PRKCA: variants seen among roughly 807,000 people sequenced by gnomAD.
PRKCA encodes the protein protein kinase C alpha.
PRKCA carries 27 observed loss-of-function variants against 87.0 expected under a neutral mutation model. The observed-to-expected ratio is 0.31, with a 90% CI of 0.23 to 0.43. The LOEUF (loss-of-function observed/expected upper bound fraction) is 0.43. PRKCA is among the 20% of genes least tolerant of loss of function. The pLI is 1.00. For synonymous variants in PRKCA, 329 were observed against 311.1 expected, an observed-to-expected ratio of 1.06 and a Z score of -0.61; for missense variants, 518 against 852.3, an observed-to-expected ratio of 0.61 and a Z score of 4.88.
chr17:66,361,296 CA>C lies in PRKCA; in HGVS notation c.205+55173del, dbSNP rs1420737801. Among the ~76,000 whole-genome samples, 3 of 149,794 alleles carry C rather than the reference CA, an allele frequency of 2.0e-5. No individual in the cohort carries two copies. The East Asian group carries it at 5.9e-4, about 29-fold the overall frequency. On this transcript the variant is annotated intron_variant, in intron 2 of 16. Transcript: ENST00000413366. Reference sequence around the variant, plus strand: ...TGATCTCTCTCCTTTGTAAGTCTTTCAAAAGACGCATACATTAGATTTTTTT... The same window carrying C: ...TGATCTCTCTCCTTTGTAAGTCTTTCAAAGACGCATACATTAGATTTTTTT...
chr17:66,319,385 T>C (rs1312846362), intron 2 of PRKCA, among the ~76,000 whole-genome samples: 2 of 152,248 alleles, frequency 1.3e-5, no homozygotes, highest in Non-Finnish European at 2.9e-5. Context: ...TGTTTTTGGC[T>C]GACTTACCCG....
chr17:66,545,887 T>C (rs1197387817), intron 3 of PRKCA, among the ~76,000 whole-genome samples: 1 of 152,246 alleles, frequency 6.6e-6, no homozygotes, highest in Admixed American at 6.5e-5. Flanking sequence ...AAAAGTAAAT[T>C]AGATTTTGTA....
At chr17:66,596,516 T>A (rs1969981618) in intron 3 of PRKCA, among the ~76,000 whole-genome samples, 1 of 151,714 alleles carries the variant, frequency 6.6e-6, no homozygotes, top group Non-Finnish European at 1.5e-5. Context: ...AGGGGAAGAT[T>A]TTAGTTCATA....
intron 2 of PRKCA, among the ~76,000 whole-genome samples, chr17:66,350,057 C>T (rs113600424): frequency 0.022 from 3,334 of 152,188 alleles, 128 homozygotes; most frequent in African/African-American, 0.075. Flanking sequence ...GATATTGTAA[C>T]TAAAGCTCGG....
At chr17:66,749,539 T>TC (rs1351448456) in intron 13 of PRKCA, among the ~76,000 whole-genome samples, 1 of 152,116 alleles carries the variant, frequency 6.6e-6, no homozygotes, top group Non-Finnish European at 1.5e-5. Flanking sequence ...ATGGCACTCA[T>TC]CCCCCTTGGA....
intron 2 of PRKCA, among the ~76,000 whole-genome samples, chr17:66,430,196 C>T (rs930663140): frequency 6.6e-6 from 1 of 152,074 alleles, no homozygotes; most frequent in Non-Finnish European, 1.5e-5. Context: ...CGGATCCATG[C>T]GGAGAGAGAA....
At chr17:66,471,329 T>C (rs1915314739) in intron 2 of PRKCA, among the ~76,000 whole-genome samples, 1 of 152,248 alleles carries the variant, frequency 6.6e-6, no homozygotes, top group South Asian at 2.1e-4. Flanking sequence ...AACTGACAAC[T>C]TGTACTTCTA....
intron 3 of PRKCA, among the ~76,000 whole-genome samples, chr17:66,617,510 C>G (rs1305807608): frequency 6.6e-6 from 1 of 152,144 alleles, no homozygotes; most frequent in Admixed American, 6.5e-5. Context: ...CCCTAATGGG[C>G]TTGTTCCATC....
intron 3 of PRKCA, among the ~76,000 whole-genome samples, chr17:66,570,349 T>C (rs1257166518): frequency 6.6e-6 from 1 of 152,204 alleles, no homozygotes; most frequent in African/African-American, 2.4e-5. Context: ...TATTATGACT[T>C]GTGCATGTAA....
At position 66,556,322 on chromosome 17, in the gene PRKCA, T is replaced by TC. The variant is rs1968493171; in HGVS notation, c.288+60040dup. 2.7e-5 allele frequency among the ~76,000 whole-genome samples: 3 copies of TC among 109,846 alleles called. No homozygotes were observed. The Admixed American group carries it at 2.9e-4, about 11-fold the overall frequency. The allele number at this position is 109,846 out of a possible 152,430, so 72.1% of individuals were successfully genotyped here. On this transcript the variant is annotated intron_variant, in intron 3 of 16. Transcript: ENST00000413366. ...CTGAGAATAATCTTTTCTTTCTTCT[T>TC]CTTTTTTTTTTTTTTTTTTGGTCAA...
intron 3 of PRKCA, among the ~76,000 whole-genome samples, chr17:66,563,506 A>G (rs1968779872): frequency 6.6e-6 from 1 of 152,044 alleles, no homozygotes. Context: ...TTGATAGTTC[A>G]TTTCTTTTTA....
At chr17:66,451,505 G>A (rs1325716139) in intron 2 of PRKCA, among the ~76,000 whole-genome samples, 1 of 152,152 alleles carries the variant, frequency 6.6e-6, no homozygotes, top group Non-Finnish European at 1.5e-5. Flanking sequence ...AATGATATGA[G>A]CATCTGTTTC....
intron 2 of PRKCA, among the ~76,000 whole-genome samples, chr17:66,476,804 GA>G: frequency 6.6e-6 from 1 of 151,998 alleles, no homozygotes; most frequent in Non-Finnish European, 1.5e-5. Flanking sequence ...AATAATTTTG[GA>G]GTCCTGTTAA....
At chr17:66,776,668 GAAGTA>G (rs1284614712) in intron 14 of PRKCA, among the ~76,000 whole-genome samples, 4 of 152,158 alleles carry the variant, frequency 2.6e-5, no homozygotes, top group Non-Finnish European at 5.9e-5. Flanking sequence ...GGAGCAAAAG[GAAGTA>G]AAGTACACTT....
intron 14 of PRKCA, among the ~76,000 whole-genome samples, chr17:66,783,334 A>G (rs145688642): frequency 2.8e-4 from 42 of 152,312 alleles, no homozygotes; most frequent in African/African-American, 8.4e-4. Context: ...TGTTAAAGCA[A>G]ATTGCCAGAG....
chr17:66,647,494 T>C (rs1971485045), intron 5 of PRKCA, among the ~76,000 whole-genome samples: 1 of 152,196 alleles, frequency 6.6e-6, no homozygotes, highest in Admixed American at 6.5e-5. Context: ...GCAAAACATG[T>C]GCTATGCATG....
Position 66,559,343 on chromosome 17 carries a change from G to T in PRKCA, c.288+63060G>T, listed in dbSNP as rs550383617. 1.3e-3 allele frequency among the ~76,000 whole-genome samples: 197 copies of T among 151,956 alleles called. 1 individual carries two copies. Among genetic ancestry groups the T allele is most frequent in the African/African-American group, 4.7e-3 (195 of 41,440 alleles). On this transcript the variant is annotated intron_variant, in intron 3 of 16. Transcript: ENST00000413366. ...AAAAAAAAATGAGCTGGGCGTGGTG[G>T]TGGGCGCCTGTAATCCCAGCTACTC...
intron 5 of PRKCA, among the ~76,000 whole-genome samples, chr17:66,650,296 T>C (rs1971557872): frequency 6.6e-6 from 1 of 152,076 alleles, no homozygotes; most frequent in African/African-American, 2.4e-5. Context: ...CGAGCTTTGG[T>C]GGTGTATTTT....
At chr17:66,378,192 G>C (rs972445851) in intron 2 of PRKCA, among the ~76,000 whole-genome samples, 9 of 152,038 alleles carry the variant, frequency 5.9e-5, no homozygotes, top group African/African-American at 2.2e-4. Context: ...CTGTGGTGGC[G>C]TGTGCCTGTA....
Sources: allele counts gnomAD v4.1 joint callset (sites outside exome capture counted in the v4.1 genomes callset), GRCh38; gene constraint gnomAD v4.1.1; transcripts MANE v1.5; gene names NCBI Gene and HGNC (gene_info 2026-07-23, HGNC 2026-07-21).